TMTC2: variants seen among roughly 807,000 people sequenced by gnomAD.
The protein encoded by TMTC2 is protein O-mannosyl-transferase TMTC2.
In TMTC2, 43 loss-of-function variants were observed where a neutral mutation model predicts 82.4. That is an observed-to-expected ratio of 0.52 (90% confidence interval 0.41 to 0.67). TMTC2 has a LOEUF of 0.67. TMTC2 is among the 30% of genes least tolerant of loss of function. The probability of loss-of-function intolerance (pLI) is 0.00; values close to 1 mark genes in which losing one functional copy is unlikely to be tolerated. For synonymous variants in TMTC2, 408 were observed against 381.9 expected, an observed-to-expected ratio of 1.07 and a Z score of -0.80; for missense variants, 919 against 1,012.4, an observed-to-expected ratio of 0.91 and a Z score of 1.25.
At chr12:82,707,135 T>G (rs1873399042) in intron 1 of TMTC2, among the ~76,000 whole-genome samples, 1 of 152,200 alleles carries the variant, frequency 6.6e-6, no homozygotes, top group Non-Finnish European at 1.5e-5. Context: ...TTTCTCACAG[T>G]TTTGAAAGCT....
chr12:82,779,713 A>G (rs1179699487), intron 1 of TMTC2, among the ~76,000 whole-genome samples: 1 of 152,118 alleles, frequency 6.6e-6, no homozygotes, highest in Non-Finnish European at 1.5e-5. Flanking sequence ...AGTCTAACCA[A>G]TATGGTGAAA....
intron 9 of TMTC2, among the ~76,000 whole-genome samples, chr12:83,044,449 G>A (rs1486199729): frequency 5.3e-5 from 8 of 152,166 alleles, no homozygotes; most frequent in African/African-American, 7.2e-5. Flanking sequence ...GTGTAGGCCA[G>A]TGTAAGGGTT....
At chr12:82,941,020 G>C (rs1197485120) in intron 4 of TMTC2, among the ~76,000 whole-genome samples, 1 of 151,910 alleles carries the variant, frequency 6.6e-6, no homozygotes, top group Non-Finnish European at 1.5e-5. Flanking sequence ...AAGGAACAAG[G>C]TATCACAAAA....
chr12:83,015,894 T>C (rs756002341), intron 8 of TMTC2, among the ~76,000 whole-genome samples: 22 of 152,200 alleles, frequency 1.4e-4, no homozygotes, highest in Non-Finnish European at 2.9e-5. Context: ...TGGCCATTTG[T>C]GCGTGTTTTC....
intron 11 of TMTC2, among the ~76,000 whole-genome samples, chr12:83,077,880 C>CTTTTTTTTT (rs751044763): frequency 1.1e-5 from 1 of 92,956 alleles, no homozygotes; most frequent in Non-Finnish European, 2.0e-5. Flanking sequence ...GACAATCTGT[C>CTTTTTTTTT]TTTTTTTTTT....
In TMTC2 at chr12:83,097,800, C is replaced by T. The variant is rs11115581; in HGVS notation, c.2332-34410C>T. Among the ~76,000 whole-genome samples the T allele has an allele frequency of 4.8e-3, 733 of 152,136 alleles. 4 individuals are homozygous for T. The highest frequency in any genetic ancestry group is 6.8e-3 in the Admixed American group (104 of 15,288). ...AAAGATTCAGCCATGCAAATATATGCGCATGCACAGGAAGAACAGCGTGTA... is the reference window on the plus strand; with the variant it reads ...AAAGATTCAGCCATGCAAATATATGTGCATGCACAGGAAGAACAGCGTGTA... On this transcript the variant is annotated intron_variant, in intron 11 of 11. Transcript: ENST00000321196.
At chr12:82,866,189 C>CA (rs369516024) in intron 2 of TMTC2, among the ~76,000 whole-genome samples, 59,141 of 121,358 alleles carry the variant, frequency 0.49, 14,855 homozygotes, top group East Asian at 0.73. Context: ...GATAGAGACA[C>CA]AAAAAAAACC....
chr12:83,042,167 A>G (rs1166031416), intron 9 of TMTC2, among the ~76,000 whole-genome samples: 1 of 152,216 alleles, frequency 6.6e-6, no homozygotes, highest in East Asian at 1.9e-4. Flanking sequence ...GCACACTGAG[A>G]AGACCTGGAG....
chr12:82,721,273 T>A (rs938394372), intron 1 of TMTC2, among the ~76,000 whole-genome samples: 1 of 152,174 alleles, frequency 6.6e-6, no homozygotes, highest in Non-Finnish European at 1.5e-5. Flanking sequence ...CTGGGTCGGT[T>A]TATAAGGGGA....
intron 3 of TMTC2, among the ~76,000 whole-genome samples, chr12:82,898,486 G>A (rs1249548446): frequency 6.6e-6 from 1 of 152,198 alleles, no homozygotes; most frequent in Non-Finnish European, 1.5e-5. Flanking sequence ...AAAAAGCCAA[G>A]ACAAAAGTGG....
intron 11 of TMTC2, among the ~76,000 whole-genome samples, chr12:83,065,321 TCATTTTA>T (rs1882879026): frequency 2.0e-5 from 3 of 151,956 alleles, no homozygotes; most frequent in African/African-American, 7.2e-5. Flanking sequence ...TATTTTTGCA[TCATTTTA>T]TATATGAAGA....
At chr12:82,997,416 A>C (rs866453817) in intron 8 of TMTC2, among the ~76,000 whole-genome samples, 1 of 111,250 alleles carries the variant, frequency 9.0e-6, no homozygotes, top group Non-Finnish European at 1.8e-5. Context: ...ATATGTGTAT[A>C]TATATATATA....
At chr12:82,867,807 C>T (rs925506254) in intron 2 of TMTC2, among the ~76,000 whole-genome samples, 1 of 152,172 alleles carries the variant, frequency 6.6e-6, no homozygotes. Context: ...TATGTAGTCT[C>T]TTCTTAAGCT....
intron 9 of TMTC2, among the ~76,000 whole-genome samples, chr12:83,035,121 T>G (rs1028012846): frequency 6.6e-6 from 1 of 152,238 alleles, no homozygotes; most frequent in African/African-American, 2.4e-5. Flanking sequence ...TCTGATTTGC[T>G]TGTTAGTGAA....
At chr12:82,815,770 A>G (rs1868676911) in intron 1 of TMTC2, among the ~76,000 whole-genome samples, 1 of 152,122 alleles carries the variant, frequency 6.6e-6, no homozygotes, top group African/African-American at 2.4e-5. Flanking sequence ...AGAACTCAAT[A>G]AACTTCAGAC....
chr12:82,955,236 G>C (rs1682594), intron 4 of TMTC2, among the ~76,000 whole-genome samples: 104,675 of 151,688 alleles, frequency 0.69, 37,684 homozygotes, highest in South Asian at 0.84. Flanking sequence ...GCATAAATGT[G>C]TCCAGACATT....
chr12:82,914,997 G>A (rs922042332), intron 3 of TMTC2, among the ~76,000 whole-genome samples: 2 of 151,612 alleles, frequency 1.3e-5, no homozygotes, highest in South Asian at 4.2e-4. Context: ...GGCTAATTTT[G>A]TATTTTTAGT....
chr12:82,947,467 C>A (rs1471036110), intron 4 of TMTC2, among the ~76,000 whole-genome samples: 1 of 151,704 alleles, frequency 6.6e-6, no homozygotes, highest in Admixed American at 6.6e-5. Flanking sequence ...CTCAGCCTCC[C>A]GAGTAGCTGG....
rs571145047 is a variant in TMTC2 at position 82,754,456 on chromosome 12, C to T, written c.83+66787C>T. Among the ~76,000 whole-genome samples, 22 of 152,074 alleles carry T rather than the reference C, an allele frequency of 1.4e-4. No homozygotes were observed. The South Asian group carries it at 1.7e-3, about 12-fold the overall frequency. On this transcript the variant is annotated intron_variant, in intron 1 of 11. Coordinates refer to ENST00000321196, the MANE Select transcript of TMTC2 (RefSeq NM_152588.3). ...CTTGCCTTTAAAAAGTACTTCAGGC[C>T]GGGTGTGTTGGCTCATTCCTGTAAT...
Sources: allele counts gnomAD v4.1 joint callset (sites outside exome capture counted in the v4.1 genomes callset), GRCh38; gene constraint gnomAD v4.1.1; transcripts MANE v1.5; gene names NCBI Gene and HGNC (gene_info 2026-07-23, HGNC 2026-07-21).